The following WDR33 variants were observed in gnomAD, a reference collection of about 807,000 sequenced individuals.
WDR33 encodes the protein WD repeat domain 33.
A neutral mutation model predicts 164.9 loss-of-function variants in WDR33; 47 were observed. The ratio of observed to expected loss-of-function variants is 0.29; its 90% CI spans 0.23 to 0.36. The LOEUF (loss-of-function observed/expected upper bound fraction) is 0.36. WDR33 is among the 10% of genes least tolerant of loss of function. The pLI, the probability that WDR33 is intolerant of heterozygous loss-of-function variation, is 1.00. For missense variants in WDR33, 1,137 were observed against 1,754.1 expected, an observed-to-expected ratio of 0.65 and a Z score of 6.28; for synonymous variants, 505 against 589.0, an observed-to-expected ratio of 0.86 and a Z score of 2.06.
intron 7 of WDR33, among the ~76,000 whole-genome samples, chr2:127,758,761 C>T (rs1458853981): frequency 6.6e-6 from 1 of 152,122 alleles, no homozygotes; most frequent in East Asian, 1.9e-4. Flanking sequence ...CTTCCATATG[C>T]CCATAAAACT....
At position 127,763,269 on chromosome 2, in the gene WDR33, G is replaced by C; in HGVS notation, c.627-110C>G. On this transcript the variant is annotated intron_variant, in intron 6 of 21. Coordinates refer to ENST00000322313, the MANE Select transcript of WDR33 (RefSeq NM_018383.5). The surrounding 1 kb of genome is among the most constrained non-coding windows in gnomAD (Gnocchi z 4.5). ...ACTGTGCTGCATTATAAACAGGAGAGGGAAGAATCCAGTGAAGAAGCCCTT... is the reference window on the plus strand; with the variant it reads ...ACTGTGCTGCATTATAAACAGGAGACGGAAGAATCCAGTGAAGAAGCCCTT... 1 of 1,546,634 alleles carries C rather than the reference G, an allele frequency of 6.5e-7. No individual in the cohort carries two copies. Among genetic ancestry groups the C allele is most frequent in the Non-Finnish European group, 8.7e-7 (1 of 1,145,398 alleles).
Position 127,703,077 on chromosome 2 carries a change from T to G in WDR33, c.*3246A>C, listed in dbSNP as rs1685932679. On this transcript the variant is annotated 3_prime_UTR_variant, in exon 22 of 22. Transcript: ENST00000322313. ...CCTTCATTTTAGGTTCAGCAGTTAC[T>G]TTTAACTACCTTAATTTATTGCCAG... 1 of 167,092 alleles carries G rather than the reference T, an allele frequency of 6.0e-6. No homozygotes were observed. The highest frequency in any genetic ancestry group is 6.5e-5 in the Admixed American group (1 of 15,290). The allele number at this position is 167,092 out of a possible 1,614,324, so 10.4% of individuals were successfully genotyped here. A position where few individuals can be genotyped will look rare whatever the true frequency, so the allele number is the denominator to read the frequency against.
At chr2:127,767,003 C>A (rs1313082208) in intron 4 of WDR33, among the ~76,000 whole-genome samples, 5 of 152,174 alleles carry the variant, frequency 3.3e-5, no homozygotes, top group Non-Finnish European at 7.3e-5. Context: ...AGGTGATCCA[C>A]CCACTTCAGC....
rs1686473312 is a variant in WDR33 at position 127,722,864 on chromosome 2, A to G, written c.1378+94T>C. The G allele has an allele frequency of 1.4e-6, 2 of 1,413,548 alleles. No homozygotes were observed. The highest frequency in any genetic ancestry group is 9.6e-7 in the Non-Finnish European group (1 of 1,046,800). 87.6% of individuals were successfully genotyped at this position (1,413,548 alleles called of 1,614,324 possible). ...AATTTTTATCAACATTTCTCAACAT[A>G]AATCATTTTGGTATTTCAATATATT... On this transcript the variant is annotated intron_variant, in intron 13 of 21. Transcript: ENST00000322313. This position sits in a 1 kb window ranked among gnomAD's most constrained non-coding sequence, Gnocchi z 5.1.
chr2:127,777,992 G>C (rs951046877), intron 1 of WDR33, among the ~76,000 whole-genome samples: 2 of 152,128 alleles, frequency 1.3e-5, no homozygotes, highest in Non-Finnish European at 2.9e-5. Flanking sequence ...AATTATAGCT[G>C]AAGATAAAAG....
chr2:127,735,492 T>C lies in WDR33; in HGVS notation c.725-8715A>G. Reference sequence around the variant, plus strand: ...GAACAAATCTTAAAAAAAATTCTTTTATACAAAACTTATAAAAAGCACCAA... The same window carrying C: ...GAACAAATCTTAAAAAAAATTCTTTCATACAAAACTTATAAAAAGCACCAA... On this transcript the variant is annotated intron_variant, in intron 7 of 21. Coordinates refer to ENST00000322313, the MANE Select transcript of WDR33 (RefSeq NM_018383.5). The surrounding 1 kb of genome is among the most constrained non-coding windows in gnomAD (Gnocchi z 4.3). The C allele has an allele frequency of 2.0e-6, 2 of 985,038 alleles. No homozygotes were observed. Among genetic ancestry groups the C allele is most frequent in the African/African-American group, 1.7e-5 (1 of 57,344 alleles). 61.0% of individuals were successfully genotyped at this position (985,038 alleles called of 1,614,324 possible).
At chr2:127,750,711 TATGTATGTATGCATAC>T (rs1429549213) in intron 7 of WDR33, among the ~76,000 whole-genome samples, 1 of 51,720 alleles carries the variant, frequency 1.9e-5, no homozygotes. Context: ...TATATATATA[TATGTATGTATGCATAC>T]ATATATATGT....
intron 2 of WDR33, 38 bp from the exon 3 acceptor site, chr2:127,769,039 A>AAATCAATC (rs200939041): frequency 8.4e-7 from 1 of 1,191,494 alleles, no homozygotes; most frequent in African/African-American, 1.6e-5. Flanking sequence ...ATAAATAAAT[A>AAATCAATC]GATCAATTAA....
At position 127,719,191 on chromosome 2, in the gene WDR33, A is replaced by C; in HGVS notation, c.2760+74T>G. The C allele has an allele frequency of 3.8e-6, 5 of 1,327,864 alleles. No homozygotes were observed. The South Asian group carries it at 1.4e-4, about 37-fold the overall frequency. The allele number at this position is 1,327,864 out of a possible 1,614,324, so 82.3% of individuals were successfully genotyped here. ...TTATATCCAGCTGTGACCATTTTCC[A>C]CAATACTCAGCAGTATTACTTCTGT... On this transcript the variant is annotated intron_variant, in intron 16 of 21. Transcript: ENST00000322313. This position sits in a 1 kb window ranked among gnomAD's most constrained non-coding sequence, Gnocchi z 6.5.
rs1393155491 is a variant in WDR33 at position 127,703,507 on chromosome 2, C to G, written c.*2816G>C. The G allele has an allele frequency of 6.0e-6, 1 of 167,140 alleles. No individual in the cohort carries two copies. The highest frequency in any genetic ancestry group is 1.5e-5 in the Non-Finnish European group (1 of 68,148). The allele number at this position is 167,140 out of a possible 1,614,324, so 10.4% of individuals were successfully genotyped here. A position where few individuals can be genotyped will look rare whatever the true frequency, so the allele number is the denominator to read the frequency against. On this transcript the variant is annotated 3_prime_UTR_variant, in exon 22 of 22. Transcript: ENST00000322313. ...CCTAAGTAAGTCAGGTCCCTAAGCC[C>G]CGTCCCAAGAAGTGACACAAGTGGC... is the stretch of plus-strand genomic sequence containing the variant.
intron 4 of WDR33, 63 bp from the exon 5 acceptor site, chr2:127,765,332 A>C (rs1687789786): frequency 8.1e-7 from 1 of 1,228,406 alleles, no homozygotes; most frequent in Non-Finnish European, 1.2e-6. Context: ...AAAACATATT[A>C]AAGGTATTTG....
intron 7 of WDR33, among the ~76,000 whole-genome samples, chr2:127,756,241 C>T (rs1011396816): frequency 6.7e-6 from 1 of 150,360 alleles, no homozygotes; most frequent in Non-Finnish European, 1.5e-5. Context: ...GGCTGAGACA[C>T]GAGAATTGCT....
rs1686578796 is a variant in WDR33 at position 127,726,610 on chromosome 2, C to G, written c.851+41G>C. 1 of 1,606,438 alleles carries G rather than the reference C, an allele frequency of 6.2e-7. No individual in the cohort carries two copies. Among genetic ancestry groups the G allele is most frequent in the Non-Finnish European group, 8.5e-7 (1 of 1,176,994 alleles). On this transcript the variant is annotated intron_variant, in intron 8 of 21. Transcript: ENST00000322313. This position sits in a 1 kb window ranked among gnomAD's most constrained non-coding sequence, Gnocchi z 4.8. Reference sequence around the variant, plus strand: ...AAGTTAAAGGACACACTGCTTTGCTCCCCTTTGTTCAGGGGCCAAGGTGGG... The same window carrying G: ...AAGTTAAAGGACACACTGCTTTGCTGCCCTTTGTTCAGGGGCCAAGGTGGG...
chr2:127,737,806 T>G (rs936221906), intron 7 of WDR33: 3 of 1,331,108 alleles, frequency 2.3e-6, no homozygotes, highest in Admixed American at 7.8e-5. Flanking sequence ...TTGGCCAGAT[T>G]AAGGATACAC....
chr2:127,805,948 T>A (rs1474840330), intron 1 of WDR33, among the ~76,000 whole-genome samples: 5 of 143,960 alleles, frequency 3.5e-5, no homozygotes, highest in African/African-American at 1.3e-4. Flanking sequence ...AAACTTTTGT[T>A]TAAAAAAAAA....
intron 4 of WDR33, among the ~76,000 whole-genome samples, chr2:127,765,729 G>C (rs1687800731): frequency 1.3e-5 from 2 of 149,982 alleles, no homozygotes; most frequent in South Asian, 4.2e-4. Flanking sequence ...AAAAAAACAA[G>C]ATAATAATAA....
At chr2:127,752,006 A>T (rs904808288) in intron 7 of WDR33, among the ~76,000 whole-genome samples, 2 of 152,230 alleles carry the variant, frequency 1.3e-5, no homozygotes, top group Admixed American at 6.5e-5. Flanking sequence ...GGGTGGACGC[A>T]GAGGGTAACA....
chr2:127,777,344 T>G (rs1371405081), intron 1 of WDR33, among the ~76,000 whole-genome samples: 1 of 152,222 alleles, frequency 6.6e-6, no homozygotes, highest in African/African-American at 2.4e-5. Context: ...TCAGACTTTG[T>G]GGTGCCTGGC....
intron 1 of WDR33, among the ~76,000 whole-genome samples, chr2:127,787,346 C>A (rs1573460245): frequency 8.6e-6 from 1 of 116,674 alleles, no homozygotes; most frequent in South Asian, 3.4e-4. Context: ...CACTGTCATC[C>A]TGGCCCGTTC....
Sources: allele counts gnomAD v4.1 joint callset (sites outside exome capture counted in the v4.1 genomes callset), GRCh38; gene constraint gnomAD v4.1.1; non-coding constraint Gnocchi (gnomAD v3.1); transcripts MANE v1.5; gene names NCBI Gene and HGNC (gene_info 2026-07-23, HGNC 2026-07-21).